The following VWA5B2 variants were observed in gnomAD, a reference collection of about 807,000 sequenced individuals.
The protein encoded by VWA5B2 is von Willebrand factor A domain-containing protein 5B2.
Under a neutral mutation model 118.5 loss-of-function variants are expected in VWA5B2, and 93 were observed. The observed-to-expected ratio is 0.79, with a 90% CI of 0.66 to 0.93. The LOEUF is 0.93. Among genes scored for constraint, VWA5B2 ranks in the 40% least tolerant of loss-of-function variants. The pLI is 0.00. For synonymous variants in VWA5B2, 708 were observed against 716.3 expected, an observed-to-expected ratio of 0.99 and a Z score of 0.19; for missense variants, 1,546 against 1,672.8, an observed-to-expected ratio of 0.92 and a Z score of 1.32.
At position 184,241,905 on chromosome 3, in the gene VWA5B2, G is replaced by C. The variant is rs1718748420; in HGVS notation, c.3596G>C (p.Arg1199Pro). The C allele has an allele frequency of 6.5e-7, 1 of 1,548,088 alleles. No homozygotes were observed. The highest frequency in any genetic ancestry group is 8.7e-7 in the Non-Finnish European group (1 of 1,146,830). ...LTAAKADCWLRAQHLPDGLDL... is the reference protein window; with the variant it reads ...LTAAKADCWLPAQHLPDGLDL... Reference sequence around the variant, plus strand: ...GCGGCCAAGGCTGATTGCTGGCTGCGGGCCCAGCACTTGCCTGACGGCCTT... The same window carrying C: ...GCGGCCAAGGCTGATTGCTGGCTGCCGGCCCAGCACTTGCCTGACGGCCTT... The change falls in exon 20 of 20, where the codon CGG (arginine) becomes CCG (proline). Residue 1199 changes from arginine (R) to proline (P), a missense_variant. By Grantham distance (103) the Arg-to-Pro change is moderately radical. Coordinates refer to ENST00000691901, the MANE Select transcript of VWA5B2 (RefSeq NM_001390846.1). This position sits in a 1 kb window ranked among gnomAD's most constrained non-coding sequence, Gnocchi z 5.1.
Position 184,239,563 on chromosome 3 carries a change from G to A in VWA5B2, c.2372G>A (p.Gly791Glu). Reference sequence around the variant, plus strand: ...AGTCCTGAGCCAGGCCAACAGTTGGGACAAGGCCTGGATGACTCAGGTAAG... The same window carrying A: ...AGTCCTGAGCCAGGCCAACAGTTGGAACAAGGCCTGGATGACTCAGGTAAG... Reference protein sequence around the residue: ...GPSPEPGQQLGQGLDDSGNLL... With the variant: ...GPSPEPGQQLEQGLDDSGNLL... Residue 791 changes from glycine (G) to glutamate (E), a missense_variant, in exon 15 of 20, where the codon GGA becomes GAA. Coordinates refer to ENST00000691901, the MANE Select transcript of VWA5B2 (RefSeq NM_001390846.1). This position sits in a 1 kb window ranked among gnomAD's most constrained non-coding sequence, Gnocchi z 5.1. 1 of 1,532,110 alleles carries A rather than the reference G, an allele frequency of 6.5e-7. No individual in the cohort carries two copies. The highest frequency in any genetic ancestry group is 8.8e-7 in the Non-Finnish European group (1 of 1,133,418). 94.9% of individuals were successfully genotyped at this position (1,532,110 alleles called of 1,614,324 possible). A position where few individuals can be genotyped will look rare whatever the true frequency, so the allele number is the denominator to read the frequency against.
At chr3:184,234,869 A>C in intron 7 of VWA5B2, 114 bp downstream of exon 7, 1 of 1,443,666 alleles carries the variant, frequency 6.9e-7, no homozygotes, top group Non-Finnish European at 9.3e-7. Context: ...TCTCGGTAAG[A>C]TCTCTCCACA....
intron 5 of VWA5B2, 136 bp from the exon 6 acceptor site, chr3:184,234,130 T>A: frequency 1.7e-6 from 2 of 1,151,810 alleles, no homozygotes; most frequent in Non-Finnish European, 2.4e-6. Flanking sequence ...AGCAGGCACA[T>A]CCTCCCTCGT....
rs975063304 is a variant in VWA5B2 at position 184,239,001 on chromosome 3, C to A, written c.2202+128C>A. ...GAGAGAAAGGTGGGTAAATCCCCAACGATACCATGTAACAACCAGTGATGA... is the reference window on the plus strand; with the variant it reads ...GAGAGAAAGGTGGGTAAATCCCCAAAGATACCATGTAACAACCAGTGATGA... On this transcript the variant is annotated intron_variant, in intron 14 of 19. Transcript: ENST00000691901. This position sits in a 1 kb window ranked among gnomAD's most constrained non-coding sequence, Gnocchi z 5.1. 5 of 1,036,834 alleles carry A rather than the reference C, an allele frequency of 4.8e-6. No individual in the cohort carries two copies. Among genetic ancestry groups the A allele is most frequent in the East Asian group, 2.7e-5 (1 of 37,644 alleles). The allele number at this position is 1,036,834 out of a possible 1,614,324, so 64.2% of individuals were successfully genotyped here.
At position 184,230,485 on chromosome 3, in the gene VWA5B2, C is replaced by T; in HGVS notation, c.-44C>T. Reference sequence around the variant, plus strand: ...GGGTGGGCGTCCCGTCACCCTGCGCCCAGCTTCCCCGGCCCGTTCCCGCAG... The same window carrying T: ...GGGTGGGCGTCCCGTCACCCTGCGCTCAGCTTCCCCGGCCCGTTCCCGCAG... On this transcript the variant is annotated 5_prime_UTR_variant, in exon 2 of 20. Coordinates refer to ENST00000691901, the MANE Select transcript of VWA5B2 (RefSeq NM_001390846.1). 7.1e-7 allele frequency: 1 copy of T among 1,405,662 alleles called. No homozygotes were observed. Among genetic ancestry groups the T allele is most frequent in the Non-Finnish European group, 9.2e-7 (1 of 1,090,390 alleles). The allele number at this position is 1,405,662 out of a possible 1,614,324, so 87.1% of individuals were successfully genotyped here. A position where few individuals can be genotyped will look rare whatever the true frequency, so the allele number is the denominator to read the frequency against.
At position 184,239,251 on chromosome 3, in the gene VWA5B2, C is replaced by T; in HGVS notation, c.2203-143C>T. On this transcript the variant is annotated intron_variant, in intron 14 of 19. Coordinates refer to ENST00000691901, the MANE Select transcript of VWA5B2 (RefSeq NM_001390846.1). This position sits in a 1 kb window ranked among gnomAD's most constrained non-coding sequence, Gnocchi z 5.1. Reference sequence around the variant, plus strand: ...GCCAAGGCCAGAGGTCACTGTAGGCCATAAGGAACTTGGCCTTCCTCCTCA... The same window carrying T: ...GCCAAGGCCAGAGGTCACTGTAGGCTATAAGGAACTTGGCCTTCCTCCTCA... 1 of 869,504 alleles carries T rather than the reference C, an allele frequency of 1.2e-6. No homozygotes were observed. The allele number at this position is 869,504 out of a possible 1,614,324, so 53.9% of individuals were successfully genotyped here.
At chr3:184,236,074 C>A in intron 8 of VWA5B2, 78 bp from the exon 9 acceptor site, 1 of 1,276,536 alleles carries the variant, frequency 7.8e-7, no homozygotes, top group Non-Finnish European at 1.1e-6. Context: ...GCCTGGATAA[C>A]GCAGTGATCT....
In VWA5B2 at chr3:184,242,233, A is replaced by C; in HGVS notation, c.*195A>C. 1 of 756,116 alleles carries C rather than the reference A, an allele frequency of 1.3e-6. No individual in the cohort carries two copies. Among genetic ancestry groups the C allele is most frequent in the Non-Finnish European group, 2.2e-6 (1 of 462,710 alleles). The allele number at this position is 756,116 out of a possible 1,614,324, so 46.8% of individuals were successfully genotyped here. On this transcript the variant is annotated 3_prime_UTR_variant, in exon 20 of 20. Coordinates refer to ENST00000691901, the MANE Select transcript of VWA5B2 (RefSeq NM_001390846.1). ...TGCTCTCTCCCTCTCCTCCCACCCCACTCACACTCCCCTCCATCCTCTGAG... is the reference window on the plus strand; with the variant it reads ...TGCTCTCTCCCTCTCCTCCCACCCCCCTCACACTCCCCTCCATCCTCTGAG...
Position 184,239,912 on chromosome 3 carries a change from T to C in VWA5B2, c.2616T>C (p.Pro872=). 1 of 1,551,520 alleles carries C rather than the reference T, an allele frequency of 6.4e-7. No individual in the cohort carries two copies. Among genetic ancestry groups the C allele is most frequent in the Non-Finnish European group, 8.7e-7 (1 of 1,146,976 alleles). ...TLWGPGDGSQ[P]PSPPVREAAW... ...GGGGACCTGGAGATGGCTCACAGCC[T>C]CCCTCACCTCCTGTAAGAGAAGCTG... The change falls in exon 16 of 20, where the codon CCT becomes CCC. Residue 872 remains proline (P), a synonymous_variant. Transcript: ENST00000691901. The surrounding 1 kb of genome is among the most constrained non-coding windows in gnomAD (Gnocchi z 5.1).
chr3:184,239,710 C>T lies in VWA5B2; in HGVS notation c.2414C>T (p.Pro805Leu), dbSNP rs1351865974. 2 of 1,485,056 alleles carry T rather than the reference C, an allele frequency of 1.3e-6. No individual in the cohort carries two copies. The highest frequency in any genetic ancestry group is 1.8e-6 in the Non-Finnish European group (2 of 1,110,782). 92.0% of individuals were successfully genotyped at this position (1,485,056 alleles called of 1,614,324 possible). A position where few individuals can be genotyped will look rare whatever the true frequency, so the allele number is the denominator to read the frequency against. The change falls in exon 16 of 20, where the codon CCT (proline) becomes CTT (leucine). Residue 805 changes from proline (P) to leucine (L), a missense_variant. This residue lies in a region of VWA5B2 where 763 missense variants were observed against 766.6 expected (regional missense o/e 1.00). Transcript: ENST00000691901. The surrounding 1 kb of genome is among the most constrained non-coding windows in gnomAD (Gnocchi z 5.1). ...CCAGGAAACCTGCTCTCCCCAGCCC[C>T]TATGGACTGGGACATGCTGATGGAA... ...DDSGNLLSPA[P>L]MDWDMLMEPP...
intron 11 of VWA5B2, 101 bp downstream of exon 11, chr3:184,236,850 G>A: frequency 9.5e-7 from 1 of 1,051,486 alleles, no homozygotes; most frequent in Non-Finnish European, 1.3e-6. Flanking sequence ...GGGGGCTCCT[G>A]GCGCCCTCAC....
rs1282050526 is a variant in VWA5B2, at chr3:184,233,397, G to T, written c.530G>T (p.Ser177Ile). 1 of 1,531,438 alleles carries T rather than the reference G, an allele frequency of 6.5e-7. No homozygotes were observed. The highest frequency in any genetic ancestry group is 2.1e-5 in the Admixed American group (1 of 47,270). The allele number at this position is 1,531,438 out of a possible 1,614,324, so 94.9% of individuals were successfully genotyped here. The part of the protein sequence containing the change: ...PPRPPGLCDD[S>I]PTSCFGVGSL... ...AGGCCTCCGGGGCTCTGTGACGACA[G>T]GTTGGGCCTATGGTGATTCTCTTCG... Residue 177 changes from serine (S) to isoleucine (I), a missense_variant and splice_region_variant, in exon 4 of 20, where the codon AGC (serine) becomes ATC (isoleucine). This residue lies in a region of VWA5B2 where 775 missense variants were observed against 882.3 expected (regional missense o/e 0.88). Coordinates refer to ENST00000691901, the MANE Select transcript of VWA5B2 (RefSeq NM_001390846.1). This position sits in a 1 kb window ranked among gnomAD's most constrained non-coding sequence, Gnocchi z 5.2.
chr3:184,241,349 C>T lies in VWA5B2; in HGVS notation c.3125C>T (p.Pro1042Leu). The change falls in exon 19 of 20, where the codon CCT becomes CTT. Residue 1042 changes from proline to leucine, a missense_variant. Physicochemically the swap from Pro to Leu is moderately conservative, Grantham distance 98 (BLOSUM62 -3). Coordinates refer to ENST00000691901, the MANE Select transcript of VWA5B2 (RefSeq NM_001390846.1). The surrounding 1 kb of genome is among the most constrained non-coding windows in gnomAD (Gnocchi z 5.1). The stretch of plus-strand genomic sequence containing the variant: ...GGCCGCCGTCACAAACTCTGTAGCC[C>T]TGACCCGGGCCAGGCCAACAACAGT... ...SMGRRHKLCS[P>L]DPGQANNSEG... 1 of 1,553,242 alleles carries T rather than the reference C, an allele frequency of 6.4e-7. No individual in the cohort carries two copies. Among genetic ancestry groups the T allele is most frequent in the South Asian group, 1.2e-5 (1 of 84,136 alleles).
In VWA5B2 at chr3:184,236,742, A is replaced by T; in HGVS notation, c.1526A>T (p.Gln509Leu). 6.5e-7 allele frequency: 1 copy of T among 1,530,828 alleles called. No homozygotes were observed. The highest frequency in any genetic ancestry group is 8.8e-7 in the Non-Finnish European group (1 of 1,135,054). The allele number at this position is 1,530,828 out of a possible 1,614,324, so 94.8% of individuals were successfully genotyped here. Residue 509 changes from glutamine (Q) to leucine (L), a missense_variant, in exon 11 of 20, where the codon CAG becomes CTG. Coordinates refer to ENST00000691901, the MANE Select transcript of VWA5B2 (RefSeq NM_001390846.1). ...TTCCTGAGGCCTGGGCAGAGGCTGCAGCCCATGGTGAGCTTGAGCCTGGGC... is the reference window on the plus strand; with the variant it reads ...TTCCTGAGGCCTGGGCAGAGGCTGCTGCCCATGGTGAGCTTGAGCCTGGGC... ...AYFLRPGQRL[Q>L]PMLVQALRKA...
At chr3:184,232,849 G>C in intron 3 of VWA5B2, 1 of 366,652 alleles carries the variant, frequency 2.7e-6, no homozygotes, top group Non-Finnish European at 4.9e-6. Context: ...GGGTTGAATG[G>C]AAAGAGGCAG....
rs1256648311 is a variant in VWA5B2, at chr3:184,241,584, C to T, written c.3275C>T (p.Pro1092Leu). The change falls in exon 20 of 20, where the codon CCC becomes CTC. Residue 1092 changes from proline (P) to leucine (L), a missense_variant. Pro to Leu is a moderately conservative substitution (Grantham distance 98). Coordinates refer to ENST00000691901, the MANE Select transcript of VWA5B2 (RefSeq NM_001390846.1). The surrounding 1 kb of genome is among the most constrained non-coding windows in gnomAD (Gnocchi z 5.1). ...CAGGAGCGCCTCTGCCGTGCCTCGC[C>T]CTTTGCCGTGCACCGCGCCAGCCTC... ...ISQERLCRAS[P>L]FAVHRASLSP... is the part of the protein sequence containing the mutation. 1.3e-6 allele frequency: 2 copies of T among 1,546,814 alleles called. No individual in the cohort carries two copies. The highest frequency in any genetic ancestry group is 1.4e-5 in the African/African-American group (1 of 73,050).
At chr3:184,235,131 G>A (rs1245831045) in intron 7 of VWA5B2, 22 bp from the exon 8 acceptor site, 1 of 1,548,416 alleles carries the variant, frequency 6.5e-7, no homozygotes, top group Admixed American at 2.0e-5. Context: ...TGCCCAGGCT[G>A]ACTTGGGACT....
At chr3:184,232,287 G>C (rs1348876460) in intron 3 of VWA5B2, among the ~76,000 whole-genome samples, 2 of 152,126 alleles carry the variant, frequency 1.3e-5, no homozygotes, top group African/African-American at 4.8e-5. Context: ...TTATGGATGA[G>C]GAAACAGGCT....
At position 184,236,192 on chromosome 3, in the gene VWA5B2, C is replaced by T. The variant is rs552044405; in HGVS notation, c.1142C>T (p.Thr381Met). The change falls in exon 9 of 20, where the codon ACG becomes ATG. Residue 381 changes from threonine (T) to methionine (M), a missense_variant. Physicochemically the swap from Thr to Met is moderately conservative, Grantham distance 81 (BLOSUM62 -1). Transcript: ENST00000691901. ...GCTGTGAAGTCCCTCCCGCCCCAGA[C>T]GCTTATCAACCTGGCCGTGTTTGGG... ...VLAVKSLPPQ[T>M]LINLAVFGTL... 128 of 1,551,734 alleles carry T rather than the reference C, an allele frequency of 8.2e-5. No individual in the cohort carries two copies. Among genetic ancestry groups the T allele is most frequent in the Admixed American group, 1.6e-4 (8 of 51,006 alleles).
Sources: allele counts gnomAD v4.1 joint callset (sites outside exome capture counted in the v4.1 genomes callset), GRCh38; gene constraint gnomAD v4.1.1; regional missense constraint gnomAD v4.1.1; non-coding constraint Gnocchi (gnomAD v3.1); transcripts MANE v1.5; gene names NCBI Gene and HGNC (gene_info 2026-07-23, HGNC 2026-07-21).